PCDHA9: variants seen among roughly 807,000 people sequenced by gnomAD.
PCDHA9 encodes protocadherin alpha-9.
A neutral mutation model predicts 62.0 loss-of-function variants in PCDHA9; 62 were observed. That is an observed-to-expected ratio of 1.00 (90% CI 0.81 to 1.23). The LOEUF (loss-of-function observed/expected upper bound fraction) is 1.23, where lower values mean the gene tolerates loss of function less well. PCDHA9 is among the 50% of genes most tolerant of loss of function. The probability of loss-of-function intolerance (pLI) is 0.00; values close to 1 mark genes in which losing one functional copy is unlikely to be tolerated. For missense variants in PCDHA9, 1,205 were observed against 1,249.8 expected (o/e 0.96, Z 0.54); for synonymous variants, 557 against 567.6 (o/e 0.98, Z 0.27).
Position 141,010,878 on chromosome 5 carries a change from A to C in PCDHA9, c.*941A>C, listed in dbSNP as rs2098418656. 1.3e-5 allele frequency: 2 copies of C among 153,770 alleles called. No homozygotes were observed. Among genetic ancestry groups the C allele is most frequent in the South Asian group, 4.1e-4 (2 of 4,830 alleles). The allele number at this position is 153,770 out of a possible 1,614,324, so 9.5% of individuals were successfully genotyped here. ...GAAAGTCTATAGCTATAAATCTTTA[A>C]AGAGAAATATGAATACAATTCCCCT... On this transcript the variant is annotated 3_prime_UTR_variant, in exon 4 of 4. Transcript: ENST00000532602.
At chr5:140,876,424 A>G in intron 1 of PCDHA9, 1 of 1,613,970 alleles carries the variant, frequency 6.2e-7, no homozygotes. Context: ...TGCCTATGAA[A>G]TTCAGGTTAA....
intron 1 of PCDHA9, chr5:140,871,154 G>T (rs781880372): frequency 2.5e-5 from 41 of 1,613,308 alleles, no homozygotes; most frequent in Non-Finnish European, 3.5e-5. Flanking sequence ...ACTTTGGCGG[G>T]CGCCGCGAGC....
chr5:140,868,063 C>T (rs1554161737), intron 1 of PCDHA9: 1 of 151,920 alleles, frequency 6.6e-6, no homozygotes, highest in African/African-American at 2.4e-5. Context: ...CAAAGATGTT[C>T]AGGGTGATTT....
intron 3 of PCDHA9, among the ~76,000 whole-genome samples, chr5:140,992,147 G>A (rs1304729438): frequency 2.0e-5 from 3 of 151,714 alleles, no homozygotes; most frequent in Non-Finnish European, 4.4e-5. Context: ...TGCTAACTTT[G>A]CTCAATCAAG....
At chr5:140,882,375 C>G (rs879994353) in intron 1 of PCDHA9, 2 of 1,614,094 alleles carry the variant, frequency 1.2e-6, no homozygotes, top group Non-Finnish European at 1.7e-6. Context: ...TACTCCGTCC[C>G]CGAGGAAGCA....
intron 1 of PCDHA9, among the ~76,000 whole-genome samples, chr5:140,881,754 A>G (rs1554172477): frequency 6.6e-6 from 1 of 152,212 alleles, no homozygotes; most frequent in African/African-American, 2.4e-5. Context: ...CAGTACCACA[A>G]AAACCTACAT....
At chr5:140,932,549 C>T (rs1222820851) in intron 1 of PCDHA9, among the ~76,000 whole-genome samples, 1 of 151,864 alleles carries the variant, frequency 6.6e-6, no homozygotes, top group African/African-American at 2.4e-5. Context: ...ATTTAACATA[C>T]ATTCCACAAG....
intron 1 of PCDHA9, among the ~76,000 whole-genome samples, chr5:140,955,489 A>G (rs1554221953): frequency 1.3e-5 from 2 of 152,114 alleles, no homozygotes; most frequent in Non-Finnish European, 2.9e-5. Context: ...CCTTCCTGCC[A>G]CCATGTGAAG....
rs1563652468 is a variant in PCDHA9, at chr5:141,000,419, A to ATTT, written c.2543-9207_2543-9206insTTT. 1.8e-3 allele frequency among the ~76,000 whole-genome samples: 107 copies of ATTT among 60,980 alleles called. 1 individual carries two copies. The highest frequency in any genetic ancestry group is 3.1e-3 in the African/African-American group (41 of 13,160). 40.0% of individuals were successfully genotyped at this position (60,980 alleles called of 152,430 possible). ...TCTATATATATATATATATATATAT[A>ATTT]TATTTTTTTTTTTTTTTTTTTTTTT... On this transcript the variant is annotated intron_variant, in intron 3 of 3. Transcript: ENST00000532602.
chr5:140,853,383 A>G lies in PCDHA9; in HGVS notation c.2394+2494A>G, dbSNP rs896759512. ...GGATCCAGAGATGGTAAAATTCAAA[A>G]CAGCCTGTCAAGTTCAAAACAGAGA... On this transcript the variant is annotated intron_variant, in intron 1 of 3. Transcript: ENST00000532602. The G allele has an allele frequency of 5.1e-6, 5 of 985,712 alleles. No individual in the cohort carries two copies. In the South Asian group the frequency reaches 2.4e-4, roughly 47 times the overall value. The allele number at this position is 985,712 out of a possible 1,614,324, so 61.1% of individuals were successfully genotyped here. A position where few individuals can be genotyped will look rare whatever the true frequency, so the allele number is the denominator to read the frequency against.
At chr5:140,887,357 A>G (rs112910602) in intron 1 of PCDHA9, among the ~76,000 whole-genome samples, 1 of 152,032 alleles carries the variant, frequency 6.6e-6, no homozygotes, top group Non-Finnish European at 1.5e-5. Flanking sequence ...CGGCCTCCCA[A>G]AGTGCTGGGA....
chr5:140,967,472 G>A, intron 1 of PCDHA9: 1 of 1,613,430 alleles, frequency 6.2e-7, no homozygotes, highest in Non-Finnish European at 8.5e-7. Flanking sequence ...GGGCATCCCA[G>A]CCCGCTCGGG....
chr5:140,991,534 T>C (rs1393603513), intron 3 of PCDHA9, among the ~76,000 whole-genome samples: 1 of 152,236 alleles, frequency 6.6e-6, no homozygotes, highest in African/African-American at 2.4e-5. Context: ...CTTGCCACTA[T>C]ATAACAAGGA....
At chr5:140,935,676 A>G (rs1168512325) in intron 1 of PCDHA9, among the ~76,000 whole-genome samples, 1 of 152,166 alleles carries the variant, frequency 6.6e-6, no homozygotes, top group Non-Finnish European at 1.5e-5. Context: ...TATGTGAAAT[A>G]TTTACATGGC....
chr5:140,857,241 C>T, intron 1 of PCDHA9: 1 of 1,598,588 alleles, frequency 6.3e-7, no homozygotes, highest in East Asian at 2.2e-5. Context: ...AAGCTGGTGT[C>T]CACCTACAAG....
intron 1 of PCDHA9, among the ~76,000 whole-genome samples, chr5:140,918,920 G>A (rs1470075085): frequency 6.6e-6 from 1 of 152,204 alleles, no homozygotes; most frequent in Non-Finnish European, 1.5e-5. Context: ...TAACTACACA[G>A]CATATGGCAT....
intron 1 of PCDHA9, among the ~76,000 whole-genome samples, chr5:140,906,323 A>G (rs1487570044): frequency 1.3e-5 from 2 of 152,212 alleles, no homozygotes; most frequent in Non-Finnish European, 2.9e-5. Context: ...AACATGATAC[A>G]ACTATCCTTC....
chr5:140,853,955 T>A, intron 1 of PCDHA9: 1 of 752,642 alleles, frequency 1.3e-6, no homozygotes, highest in Non-Finnish European at 1.7e-6. Flanking sequence ...GGTCCCTTCC[T>A]TGAGCCCAGC....
intron 1 of PCDHA9, among the ~76,000 whole-genome samples, chr5:140,902,432 C>T (rs566549203): frequency 1.3e-5 from 2 of 152,128 alleles, no homozygotes; most frequent in African/African-American, 4.8e-5. Flanking sequence ...AAGTGGGCAT[C>T]CTTGTCATAT....
Sources: allele counts gnomAD v4.1 joint callset (sites outside exome capture counted in the v4.1 genomes callset), GRCh38; gene constraint gnomAD v4.1.1; transcripts MANE v1.5; gene names NCBI Gene and HGNC (gene_info 2026-07-23, HGNC 2026-07-21).